The following ZBTB20 variants were observed in gnomAD, a reference collection of about 807,000 sequenced individuals.
ZBTB20 encodes the protein zinc finger and BTB domain-containing protein 20.
In ZBTB20, 9 loss-of-function variants were observed where a neutral mutation model predicts 56.9. The ratio of observed to expected loss-of-function variants is 0.16; its 90% CI spans 0.10 to 0.28. The LOEUF is 0.28. Ranked by LOEUF, ZBTB20 falls within the 10% of genes least tolerant of loss-of-function variation. The pLI is 1.00. For synonymous variants in ZBTB20, 417 were observed against 420.7 expected, an observed-to-expected ratio of 0.99 and a Z score of 0.11; for missense variants, 655 against 1,003.0, an observed-to-expected ratio of 0.65 and a Z score of 4.69.
intron 1 of ZBTB20, among the ~76,000 whole-genome samples, chr3:115,139,359 T>C (rs2084745782): frequency 6.6e-6 from 1 of 152,040 alleles, no homozygotes; most frequent in Non-Finnish European, 1.5e-5. Flanking sequence ...ATTAGAACTT[T>C]GAGGTTATCA....
chr3:114,555,241 C>T (rs920730936), intron 6 of ZBTB20, among the ~76,000 whole-genome samples: 3 of 152,108 alleles, frequency 2.0e-5, no homozygotes, highest in African/African-American at 7.2e-5. Flanking sequence ...TGAAAATGAA[C>T]TTGACAATCA....
chr3:114,732,494 G>C (rs1002210161), intron 5 of ZBTB20, among the ~76,000 whole-genome samples: 3 of 152,106 alleles, frequency 2.0e-5, no homozygotes, highest in Non-Finnish European at 4.4e-5. Flanking sequence ...ACTATGATTA[G>C]GTGAGGCTTT....
intron 2 of ZBTB20, among the ~76,000 whole-genome samples, chr3:115,016,157 G>A (rs1468708231): frequency 6.6e-6 from 1 of 151,904 alleles, no homozygotes; most frequent in East Asian, 1.9e-4. Flanking sequence ...ACTTTTTAAT[G>A]GGATTGTTTG....
chr3:114,810,629 A>T (rs777325432), intron 4 of ZBTB20, among the ~76,000 whole-genome samples: 1 of 152,192 alleles, frequency 6.6e-6, no homozygotes, highest in Non-Finnish European at 1.5e-5. Flanking sequence ...TAATTTGGCC[A>T]CTTTCACTCC....
intron 4 of ZBTB20, among the ~76,000 whole-genome samples, chr3:114,867,213 T>G (rs1039921749): frequency 6.6e-6 from 1 of 152,102 alleles, no homozygotes; most frequent in Non-Finnish European, 1.5e-5. Context: ...CTAGGTCAGA[T>G]GATAAGCTTG....
intron 4 of ZBTB20, among the ~76,000 whole-genome samples, chr3:114,822,960 T>C (rs1348906067): frequency 2.0e-5 from 3 of 152,100 alleles, no homozygotes; most frequent in Non-Finnish European, 4.4e-5. Context: ...TATTGTTGAA[T>C]TTCTCTTTGG....
chr3:114,358,260 C>T (rs1029038411), intron 10 of ZBTB20, among the ~76,000 whole-genome samples: 2 of 152,186 alleles, frequency 1.3e-5, no homozygotes, highest in African/African-American at 4.8e-5. Context: ...CCTTCCCTTT[C>T]TTCCTTTTTG....
At chr3:114,866,263 T>C (rs930184980) in intron 4 of ZBTB20, among the ~76,000 whole-genome samples, 2 of 152,176 alleles carry the variant, frequency 1.3e-5, no homozygotes, top group East Asian at 3.9e-4. Context: ...AGTGTTATCA[T>C]CCCAGATTTA....
At chr3:114,559,780 G>A (rs1042174595) in intron 6 of ZBTB20, among the ~76,000 whole-genome samples, 25 of 152,218 alleles carry the variant, frequency 1.6e-4, no homozygotes, top group African/African-American at 5.5e-4. Flanking sequence ...GGGGAATGGT[G>A]GGCCTCACAG....
intron 1 of ZBTB20, among the ~76,000 whole-genome samples, chr3:115,090,065 T>C (rs2083130042): frequency 6.6e-6 from 1 of 151,832 alleles, no homozygotes; most frequent in Non-Finnish European, 1.5e-5. Context: ...TTGCAAAATA[T>C]GGAAGCCCAA....
At chr3:114,466,766 T>A (rs72952512) in intron 7 of ZBTB20, among the ~76,000 whole-genome samples, 1 of 152,176 alleles carries the variant, frequency 6.6e-6, no homozygotes, top group African/African-American at 2.4e-5. Context: ...CAAGGGACTC[T>A]GCTAGGACCT....
At chr3:114,496,962 CA>C (rs768885950) in intron 7 of ZBTB20, among the ~76,000 whole-genome samples, 8 of 152,168 alleles carry the variant, frequency 5.3e-5, no homozygotes, top group African/African-American at 1.4e-4. Context: ...GCCTGGTGAC[CA>C]GGGGGCAGTA....
Position 115,006,082 on chromosome 3 carries a change from T to G in ZBTB20, c.-506-31666A>C, listed in dbSNP as rs111769879. 3.8e-3 allele frequency among the ~76,000 whole-genome samples: 572 copies of G among 151,848 alleles called. 4 individuals carry two copies. The highest frequency in any genetic ancestry group is 0.013 in the African/African-American group (532 of 41,462). On this transcript the variant is annotated intron_variant, in intron 2 of 11. Transcript: ENST00000675478. The stretch of plus-strand genomic sequence containing the variant: ...TTTTCTTCTATGGAGGCTTCAAACA[T>G]CCTATTCCTTGCCCTGGATTTCTGC...
chr3:115,042,469 C>CT (rs2081179962), intron 2 of ZBTB20, among the ~76,000 whole-genome samples: 1 of 152,102 alleles, frequency 6.6e-6, no homozygotes, highest in Admixed American at 6.5e-5. Context: ...TTTAAAACAT[C>CT]TTTATTTATT....
intron 9 of ZBTB20, 140 bp from the exon 10 acceptor site, chr3:114,380,544 C>A: frequency 8.1e-7 from 1 of 1,242,216 alleles, no homozygotes; most frequent in Non-Finnish European, 1.1e-6. Context: ...TGTTTTAAAA[C>A]AAGCTGATTC....
At chr3:114,440,335 G>A (rs944700089) in intron 7 of ZBTB20, among the ~76,000 whole-genome samples, 1 of 152,110 alleles carries the variant, frequency 6.6e-6, no homozygotes, top group Non-Finnish European at 1.5e-5. Context: ...CTGTAAGGAA[G>A]GGTGGAGCTG....
At chr3:114,753,864 C>T (rs927578862) in intron 5 of ZBTB20, among the ~76,000 whole-genome samples, 2 of 152,088 alleles carry the variant, frequency 1.3e-5, no homozygotes, top group African/African-American at 4.8e-5. Flanking sequence ...GGCATTACAT[C>T]CTCAATAAAT....
intron 6 of ZBTB20, among the ~76,000 whole-genome samples, chr3:114,604,092 A>G (rs1031438580): frequency 6.6e-6 from 1 of 152,094 alleles, no homozygotes; most frequent in Non-Finnish European, 1.5e-5. Flanking sequence ...TGATTTATAT[A>G]TAAGGTTGTT....
At position 114,334,617 on chromosome 3, in the gene ZBTB20, A is replaced by G. The variant is rs924573841; in HGVS notation, c.*4388T>C. The G allele has an allele frequency of 1.3e-5, 2 of 152,208 alleles. No individual in the cohort carries two copies. The highest frequency in any genetic ancestry group is 4.8e-5 in the African/African-American group (2 of 41,454). 9.4% of individuals were successfully genotyped at this position (152,208 alleles called of 1,614,324 possible). ...TGGGACCTTATAGAATATTTTGATG[A>G]TACAAAATAAAACCCTTATGACTTT... is the stretch of plus-strand genomic sequence containing the variant. On this transcript the variant is annotated 3_prime_UTR_variant, in exon 12 of 12. Coordinates refer to ENST00000675478, the MANE Select transcript of ZBTB20 (RefSeq NM_001348800.3).
Sources: allele counts gnomAD v4.1 joint callset (sites outside exome capture counted in the v4.1 genomes callset), GRCh38; gene constraint gnomAD v4.1.1; transcripts MANE v1.5; gene names NCBI Gene and HGNC (gene_info 2026-07-23, HGNC 2026-07-21).